ATXN7L1: variants seen among roughly 807,000 people sequenced by gnomAD.
ATXN7L1 encodes ataxin-7-like protein 1.
ATXN7L1 carries 15 observed loss-of-function variants against 70.8 expected under a neutral mutation model. That is an observed-to-expected ratio of 0.21 (90% CI 0.14 to 0.33). The LOEUF is 0.33. ATXN7L1 is among the 10% of genes least tolerant of loss of function. The pLI is 1.00. For synonymous variants in ATXN7L1, 440 were observed against 445.1 expected (o/e 0.99, Z 0.14); for missense variants, 975 against 1,097.1 (o/e 0.89, Z 1.57).
chr7:105,779,955 C>G (rs1298864100), intron 3 of ATXN7L1, among the ~76,000 whole-genome samples: 3 of 152,106 alleles, frequency 2.0e-5, no homozygotes, highest in Non-Finnish European at 2.9e-5. Flanking sequence ...GCAAACAAAT[C>G]TAACTTAATT....
chr7:105,811,688 G>T (rs1808461524), intron 2 of ATXN7L1, among the ~76,000 whole-genome samples: 1 of 152,270 alleles, frequency 6.6e-6, no homozygotes, highest in East Asian at 1.9e-4. Context: ...TACATGGGAA[G>T]GGAAGAGGGC....
intron 2 of ATXN7L1, among the ~76,000 whole-genome samples, chr7:105,872,830 T>C (rs1196512573): frequency 1.3e-5 from 2 of 151,368 alleles, no homozygotes; most frequent in African/African-American, 2.4e-5. Flanking sequence ...ATGCTATGTA[T>C]ATTTTACCAC....
intron 7 of ATXN7L1, among the ~76,000 whole-genome samples, chr7:105,632,133 G>C (rs1002970882): frequency 1.3e-5 from 2 of 152,192 alleles, no homozygotes; most frequent in Non-Finnish European, 2.9e-5. Flanking sequence ...GGTTAGGGAT[G>C]GCCCAACACT....
rs182974816 is a variant in ATXN7L1, at chr7:105,809,167, G to A, written c.251-20459C>T. Among the ~76,000 whole-genome samples the A allele has an allele frequency of 1.0e-3, 158 of 152,290 alleles. 1 individual carries two copies. Among genetic ancestry groups the A allele is most frequent in the Middle Eastern group, 3.4e-3 (1 of 294 alleles). ...TCACCCTCTTTCCTTTATAAGCTGC[G>A]AGCACTTGGGTAAGTCCCTTAACCT... is the stretch of plus-strand genomic sequence containing the variant. On this transcript the variant is annotated intron_variant, in intron 2 of 11. Coordinates refer to ENST00000419735, the MANE Select transcript of ATXN7L1 (RefSeq NM_020725.2).
chr7:105,720,380 A>T (rs528453782), intron 3 of ATXN7L1, among the ~76,000 whole-genome samples: 1 of 152,122 alleles, frequency 6.6e-6, no homozygotes, highest in African/African-American at 2.4e-5. Context: ...CTAAAAAAAA[A>T]TACAAAACCT....
intron 3 of ATXN7L1, among the ~76,000 whole-genome samples, chr7:105,696,920 G>A (rs568480073): frequency 3.2e-4 from 48 of 152,306 alleles, no homozygotes; most frequent in Admixed American, 3.9e-4. Flanking sequence ...GCGTCCGGGG[G>A]AGACATCACA....
At position 105,614,568 on chromosome 7, in the gene ATXN7L1, G is replaced by T. The variant is rs979286859; in HGVS notation, c.1766C>A (p.Ala589Glu). ...SHTTAFPHVAATLSIMDSTFK... is the reference protein window; with the variant it reads ...SHTTAFPHVAETLSIMDSTFK... ...GGTTGAGTCCATGATGCTGAGGGTT[G>T]CGGCCACATGAGGGAAAGCTGTGGT... Residue 589 changes from alanine to glutamate, a missense_variant, in exon 10 of 12, where the codon GCA (alanine) becomes GAA (glutamate). Ala to Glu is a moderately radical substitution (Grantham distance 107). Coordinates refer to ENST00000419735, the MANE Select transcript of ATXN7L1 (RefSeq NM_020725.2). The surrounding 1 kb of genome is among the most constrained non-coding windows in gnomAD (Gnocchi z 4.3). The T allele has an allele frequency of 3.9e-6, 6 of 1,550,106 alleles. No homozygotes were observed. The highest frequency in any genetic ancestry group is 4.4e-6 in the Non-Finnish European group (5 of 1,145,772).
At chr7:105,623,424 G>A (rs559573672) in intron 8 of ATXN7L1, among the ~76,000 whole-genome samples, 1 of 152,292 alleles carries the variant, frequency 6.6e-6, no homozygotes, top group South Asian at 2.1e-4. Context: ...CCTGTGAGGT[G>A]GGAAACTAAG....
At chr7:105,816,552 A>G (rs1809225223) in intron 2 of ATXN7L1, among the ~76,000 whole-genome samples, 1 of 152,238 alleles carries the variant, frequency 6.6e-6, no homozygotes, top group African/African-American at 2.4e-5. Context: ...TTCCAAGCAC[A>G]GCACTCTTGC....
chr7:105,753,289 C>T (rs941420991), intron 3 of ATXN7L1, among the ~76,000 whole-genome samples: 4 of 152,198 alleles, frequency 2.6e-5, no homozygotes, highest in South Asian at 2.1e-4. Context: ...GCACAAGTCA[C>T]TTAAATTTTC....
chr7:105,782,217 A>G (rs184043783), intron 3 of ATXN7L1, among the ~76,000 whole-genome samples: 145 of 152,252 alleles, frequency 9.5e-4, no homozygotes, highest in African/African-American at 3.4e-3. Context: ...CAATGCATCA[A>G]ATTGGGATGG....
intron 2 of ATXN7L1, among the ~76,000 whole-genome samples, chr7:105,808,412 C>T (rs143915828): frequency 3.3e-5 from 5 of 152,208 alleles, no homozygotes; most frequent in East Asian, 1.9e-4. Flanking sequence ...TCCAGAGAGG[C>T]GGAAAAATGA....
chr7:105,835,981 G>A (rs1188761685), intron 2 of ATXN7L1, among the ~76,000 whole-genome samples: 2 of 152,176 alleles, frequency 1.3e-5, no homozygotes, highest in African/African-American at 4.8e-5. Flanking sequence ...AAATGTGAGA[G>A]GGTAAAGAAG....
intron 2 of ATXN7L1, among the ~76,000 whole-genome samples, chr7:105,836,915 G>A (rs184745419): frequency 5.3e-5 from 8 of 152,180 alleles, no homozygotes; most frequent in Admixed American, 3.3e-4. Context: ...AAAATTAGCC[G>A]GGTGTGGTGG....
At chr7:105,847,171 G>A (rs558478951) in intron 2 of ATXN7L1, among the ~76,000 whole-genome samples, 4 of 152,280 alleles carry the variant, frequency 2.6e-5, no homozygotes, top group South Asian at 2.1e-4. Context: ...TGAGCCAAGC[G>A]TCACAGAGAA....
intron 9 of ATXN7L1, chr7:105,618,129 G>C (rs1794194414): frequency 2.2e-6 from 1 of 452,850 alleles, no homozygotes; most frequent in Admixed American, 2.4e-5. Flanking sequence ...AGCTTGAGCT[G>C]ACAGGACACC....
chr7:105,803,981 A>G (rs566765706), intron 2 of ATXN7L1, among the ~76,000 whole-genome samples: 3 of 152,196 alleles, frequency 2.0e-5, no homozygotes, highest in East Asian at 3.9e-4. Flanking sequence ...GCTGTGTTCA[A>G]TAGGGTTTGT....
chr7:105,738,504 T>A (rs529656526), intron 3 of ATXN7L1, among the ~76,000 whole-genome samples: 5 of 152,372 alleles, frequency 3.3e-5, no homozygotes, highest in Admixed American at 2.0e-4. Flanking sequence ...ACACTAGCAC[T>A]CACATATACT....
At chr7:105,713,255 A>T (rs1355063578) in intron 3 of ATXN7L1, among the ~76,000 whole-genome samples, 1 of 152,202 alleles carries the variant, frequency 6.6e-6, no homozygotes, top group Non-Finnish European at 1.5e-5. Flanking sequence ...TTTGGTGAGG[A>T]CACATATCCA....
Sources: allele counts gnomAD v4.1 joint callset (sites outside exome capture counted in the v4.1 genomes callset), GRCh38; gene constraint gnomAD v4.1.1; non-coding constraint Gnocchi (gnomAD v3.1); transcripts MANE v1.5; gene names NCBI Gene and HGNC (gene_info 2026-07-23, HGNC 2026-07-21).